Variants in CC2D2B observed in about 807,000 individuals in gnomAD.
CC2D2B encodes the protein coiled-coil and C2 domain containing 2B, also known as protein CC2D2B.
A neutral mutation model predicts 161.2 loss-of-function variants in CC2D2B; 128 were observed. That is an observed-to-expected ratio of 0.79 (90% confidence interval 0.69 to 0.92). The LOEUF (loss-of-function observed/expected upper bound fraction) is 0.92. CC2D2B is among the 40% of genes least tolerant of loss of function. The pLI, the probability that CC2D2B is intolerant of heterozygous loss-of-function variation, is 0.00. For missense variants in CC2D2B, 1,173 were observed against 1,375.1 expected (o/e 0.85, Z 2.32); for synonymous variants, 391 against 449.8 (o/e 0.87, Z 1.65).
intron 19 of CC2D2B, among the ~76,000 whole-genome samples, chr10:95,985,535 C>T (rs1036835303): frequency 7.2e-5 from 11 of 152,182 alleles, no homozygotes; most frequent in Non-Finnish European, 1.5e-5. Flanking sequence ...TTACTTTAAT[C>T]TCTTAATCCT....
intron 3 of CC2D2B, among the ~76,000 whole-genome samples, chr10:95,923,936 G>A (rs1480460876): frequency 2.0e-5 from 3 of 152,106 alleles, no homozygotes; most frequent in Admixed American, 2.0e-4. Context: ...TAGGAGAATC[G>A]CTTGAACCCG....
chr10:95,917,704 C>G (rs1433319296), intron 2 of CC2D2B, among the ~76,000 whole-genome samples: 1 of 152,088 alleles, frequency 6.6e-6, no homozygotes, highest in Non-Finnish European at 1.5e-5. Flanking sequence ...TTAACTTTAT[C>G]CCCCCTGCTT....
At chr10:96,025,192 A>AT (rs1554853793) in intron 33 of CC2D2B, among the ~76,000 whole-genome samples, 516 of 49,132 alleles carry the variant, frequency 0.011, 30 homozygotes, top group East Asian at 0.097. Flanking sequence ...TATAAAAAAA[A>AT]ATATATATAT....
chr10:95,957,553 A>ATTTTTTT (rs869263327), intron 11 of CC2D2B, among the ~76,000 whole-genome samples: 11 of 83,714 alleles, frequency 1.3e-4, no homozygotes, highest in African/African-American at 2.9e-4. Context: ...GCTGACAATG[A>ATTTTTTT]TTTTTTTTTT....
chr10:96,027,369 A>G lies in CC2D2B; in HGVS notation c.4105A>G (p.Arg1369Gly). ...VSSEGDNEFE[R>G]ILQFYWVTGF... Reference sequence around the variant, plus strand: ...ATCTGAAGGAGATAATGAATTTGAAAGAATACTACAATTTTATTGGGTTTG... The same window carrying G: ...ATCTGAAGGAGATAATGAATTTGAAGGAATACTACAATTTTATTGGGTTTG... Residue 1369 changes from arginine to glycine, a missense_variant, in exon 34 of 35, where the codon AGA (arginine) becomes GGA (glycine). Arg to Gly is a moderately radical substitution (Grantham distance 125). Transcript: ENST00000646931. The G allele has an allele frequency of 6.5e-7, 1 of 1,547,246 alleles. No homozygotes were observed. The highest frequency in any genetic ancestry group is 8.7e-7 in the Non-Finnish European group (1 of 1,145,114).
At chr10:95,924,464 T>G (rs1296380829) in intron 4 of CC2D2B, 74 bp downstream of exon 4, 1 of 830,878 alleles carries the variant, frequency 1.2e-6, no homozygotes, top group African/African-American at 1.8e-5. Context: ...AAGTTTTCTT[T>G]GTCAAAAGAG....
chr10:96,008,168 C>T (rs375770540), intron 25 of CC2D2B, among the ~76,000 whole-genome samples: 74 of 130,350 alleles, frequency 5.7e-4, no homozygotes, highest in East Asian at 8.9e-4. Context: ...GGTATGTGTT[C>T]TTTTTTTTTT....
intron 2 of CC2D2B, among the ~76,000 whole-genome samples, chr10:95,915,235 C>T (rs1031088477): frequency 2.0e-5 from 3 of 152,116 alleles, no homozygotes; most frequent in Non-Finnish European, 2.9e-5. Context: ...TATAGAAATG[C>T]TACTGACTTT....
At chr10:96,003,586 TTGTG>T (rs68085058) in intron 24 of CC2D2B, among the ~76,000 whole-genome samples, 4,759 of 127,670 alleles carry the variant, frequency 0.037, 90 homozygotes, top group Middle Eastern at 0.071. Flanking sequence ...GCCCGGCTAA[TTGTG>T]TGTGTGTGTG....
chr10:95,986,137 C>A (rs139163521), intron 19 of CC2D2B, among the ~76,000 whole-genome samples: 5,269 of 151,512 alleles, frequency 0.035, 129 homozygotes, highest in Middle Eastern at 0.075. Context: ...GTGACCCACA[C>A]CCTATTCGTA....
intron 1 of CC2D2B, among the ~76,000 whole-genome samples, chr10:95,910,931 G>T (rs1264964951): frequency 6.6e-6 from 1 of 152,054 alleles, no homozygotes; most frequent in African/African-American, 2.4e-5. Context: ...ATGTAGGGAA[G>T]ATACTGACTT....
At chr10:95,992,444 C>G in intron 21 of CC2D2B, 83 bp from the exon 22 acceptor site, 1 of 1,034,648 alleles carries the variant, frequency 9.7e-7, no homozygotes. Context: ...GAATAATGGT[C>G]TCATTTCAAT....
chr10:95,993,879 A>G (rs1474654464), intron 22 of CC2D2B, among the ~76,000 whole-genome samples: 2 of 87,728 alleles, frequency 2.3e-5, no homozygotes, highest in African/African-American at 9.0e-5. Context: ...GAGTGTATAT[A>G]TATATATATA....
intron 24 of CC2D2B, among the ~76,000 whole-genome samples, chr10:96,002,929 A>G (rs139164946): frequency 0.03 from 4,625 of 151,804 alleles, 108 homozygotes; most frequent in African/African-American, 0.061. Context: ...CTGTAGGCCC[A>G]GCTACTCGAG....
In CC2D2B at chr10:96,019,264, C is replaced by A. The variant is rs759137829; in HGVS notation, c.3692C>A (p.Thr1231Asn). ...GAATATTTGCTTTGGAATCCATCAA[C>A]TGGCCAATGTTATAAGCAGTTTGAC... ...TNEYLLWNPSTGQCYKQFDPF... is the reference protein window; with the variant it reads ...TNEYLLWNPSNGQCYKQFDPF... Residue 1231 changes from threonine (T) to asparagine (N), a missense_variant, in exon 31 of 35, where the codon ACT becomes AAT. Transcript: ENST00000646931. 6.2e-7 allele frequency: 1 copy of A among 1,612,904 alleles called. No individual in the cohort carries two copies. The highest frequency in any genetic ancestry group is 1.1e-5 in the South Asian group (1 of 90,954).
At chr10:95,989,957 T>C (rs2077885132) in intron 20 of CC2D2B, among the ~76,000 whole-genome samples, 1 of 152,218 alleles carries the variant, frequency 6.6e-6, no homozygotes, top group African/African-American at 2.4e-5. Context: ...TTACATTTCC[T>C]GCTGTGTTAC....
At chr10:96,029,290 A>ATATATATATATATATATATATATATG (rs2079955896) in intron 34 of CC2D2B, among the ~76,000 whole-genome samples, 1 of 92,048 alleles carries the variant, frequency 1.1e-5, no homozygotes, top group South Asian at 3.8e-4. Flanking sequence ...ATATATGTAT[A>ATATATATATATATATATATATATATG]TATATATATA....
Position 95,961,531 on chromosome 10 carries a change from GA to G in CC2D2B, c.1110-289del, listed in dbSNP as rs979271203. 29 of 174,220 alleles carry G rather than the reference GA, an allele frequency of 1.7e-4. 1 individual carries two copies. Among genetic ancestry groups the G allele is most frequent in the South Asian group, 6.0e-4 (3 of 4,984 alleles). The allele number at this position is 174,220 out of a possible 1,614,324, so 10.8% of individuals were successfully genotyped here. A position where few individuals can be genotyped will look rare whatever the true frequency, so the allele number is the denominator to read the frequency against. On this transcript the variant is annotated intron_variant, in intron 11 of 34. Coordinates refer to ENST00000646931, the MANE Select transcript of CC2D2B (RefSeq NM_001349008.3). The stretch of plus-strand genomic sequence containing the variant: ...AACAGAGCGAGACTCTCTCAAAAAA[GA>G]AAAAAAAATCTCGTAGAATTCTAGC...
chr10:95,924,456 GT>G, intron 4 of CC2D2B, 66 bp downstream of exon 4: 1 of 890,148 alleles, frequency 1.1e-6, no homozygotes, highest in Non-Finnish European at 1.7e-6. Context: ...ACACAATCAA[GT>G]TTTCTTTGTC....
Sources: gnomAD v4.1 joint callset for allele counts (sites outside exome capture counted in the v4.1 genomes callset) on GRCh38, gnomAD v4.1.1 for gene constraint, MANE v1.5 for transcripts, NCBI Gene and HGNC (gene_info 2026-07-23, HGNC 2026-07-21) for gene names.